Variants in GALNT13 observed in about 807,000 individuals in gnomAD.
GALNT13 encodes the protein UDP-GalNAc:polypeptide N-acetylgalactosaminyltransferase 13.
In GALNT13, 28 loss-of-function variants were observed where a neutral mutation model predicts 64.2. That is an observed-to-expected ratio of 0.44 (90% CI 0.32 to 0.60). The LOEUF (loss-of-function observed/expected upper bound fraction) is 0.60, where lower values mean the gene tolerates loss of function less well. Among genes scored for constraint, GALNT13 ranks in the 20% least tolerant of loss-of-function variants. The probability of loss-of-function intolerance (pLI) is 0.05; values close to 1 mark genes in which losing one functional copy is unlikely to be tolerated. For missense variants in GALNT13, 577 were observed against 669.8 expected (o/e 0.86, Z 1.53); for synonymous variants, 214 against 224.6 (o/e 0.95, Z 0.42).
the GALNT13 span, among the ~76,000 whole-genome samples, chr2:153,240,798 A>ATCCTAGGTG: frequency 2.0e-5 from 3 of 151,900 alleles, no homozygotes; most frequent in Non-Finnish European, 4.4e-5. Flanking sequence ...TGTAATGAGT[A>ATCCTAGGTG]TCCTAGGTGC....
intron 3 of GALNT13, among the ~76,000 whole-genome samples, chr2:153,961,813 T>C (rs2105095481): frequency 1.3e-5 from 2 of 152,250 alleles, no homozygotes; most frequent in East Asian, 3.9e-4. Context: ...AATGGACAGA[T>C]TTTATCTCTA....
At chr2:154,051,088 ACT>A (rs67125594) in intron 3 of GALNT13, among the ~76,000 whole-genome samples, 28,719 of 151,980 alleles carry the variant, frequency 0.19, 3,387 homozygotes, top group Non-Finnish European at 0.26. Flanking sequence ...GGTAGTTGTA[ACT>A]CTCAGTAATA....
At chr2:153,253,018 T>G in the GALNT13 span, among the ~76,000 whole-genome samples, 2 of 151,684 alleles carry the variant, frequency 1.3e-5, no homozygotes, top group South Asian at 4.2e-4. Flanking sequence ...AAGTCATTGG[T>G]AGCTTGATGG....
At chr2:153,747,679 G>C in the GALNT13 span, among the ~76,000 whole-genome samples, 1 of 151,828 alleles carries the variant, frequency 6.6e-6, no homozygotes, top group Admixed American at 6.6e-5. Flanking sequence ...TTTCTGCCTT[G>C]GCCTCCCAAA....
Position 154,191,448 on chromosome 2 carries a change from A to G in GALNT13, c.312-50582A>G, listed in dbSNP as rs575449248. On this transcript the variant is annotated intron_variant, in intron 4 of 12. Transcript: ENST00000392825. ...AATTGTCATTTTCGGATGAGATTTA[A>G]CAGAGAGTGATAGGAGAGACTGAAA... Among the ~76,000 whole-genome samples, 3 of 152,328 alleles carry G rather than the reference A, an allele frequency of 2.0e-5. No homozygotes were observed. The East Asian group carries it at 5.8e-4, about 29-fold the overall frequency.
At chr2:153,244,929 G>A in the GALNT13 span, among the ~76,000 whole-genome samples, 1 of 152,212 alleles carries the variant, frequency 6.6e-6, no homozygotes, top group Admixed American at 6.5e-5. Context: ...TGGGATGATT[G>A]AGCTTGGTGT....
chr2:154,340,694 G>A (rs536230326), intron 9 of GALNT13, among the ~76,000 whole-genome samples: 1 of 152,066 alleles, frequency 6.6e-6, no homozygotes, highest in African/African-American at 2.4e-5. Context: ...AAGTCCATGG[G>A]ACAAAAATAA....
chr2:153,803,570 T>C, the GALNT13 span, among the ~76,000 whole-genome samples: 1 of 151,566 alleles, frequency 6.6e-6, no homozygotes, highest in Non-Finnish European at 1.5e-5. Flanking sequence ...CGGGCGCCTG[T>C]AGTCCCAGCT....
the GALNT13 span, among the ~76,000 whole-genome samples, chr2:153,614,166 C>G: frequency 1.3e-5 from 2 of 151,732 alleles, no homozygotes; most frequent in African/African-American, 2.4e-5. Context: ...AACCCAATGT[C>G]TAGGAATACT....
chr2:154,446,603 T>G, intron 12 of GALNT13: 3 of 1,547,694 alleles, frequency 1.9e-6, no homozygotes, highest in Non-Finnish European at 1.7e-6. Flanking sequence ...CCCAGTCTTG[T>G]CTCTCAGTGA....
At chr2:153,848,087 CA>C in the GALNT13 span, among the ~76,000 whole-genome samples, 3 of 152,116 alleles carry the variant, frequency 2.0e-5, no homozygotes, top group African/African-American at 7.2e-5. Context: ...CAAGTATTCC[CA>C]AGACAATTCT....
At chr2:153,354,857 AG>A in the GALNT13 span, among the ~76,000 whole-genome samples, 1 of 152,198 alleles carries the variant, frequency 6.6e-6, no homozygotes, top group Non-Finnish European at 1.5e-5. Context: ...AGATGCCAAA[AG>A]GTTGTTATCC....
At chr2:154,000,286 A>G (rs1428629168) in intron 3 of GALNT13, among the ~76,000 whole-genome samples, 1 of 151,054 alleles carries the variant, frequency 6.6e-6, no homozygotes, top group African/African-American at 2.5e-5. Context: ...GGTCTCTTAT[A>G]CGTTTTTATT....
chr2:153,975,876 AGTTT>A (rs1167316446), intron 3 of GALNT13, among the ~76,000 whole-genome samples: 25 of 152,164 alleles, frequency 1.6e-4, no homozygotes, highest in African/African-American at 6.0e-4. Context: ...TATGTTAATT[AGTTT>A]AATTGTCATA....
At position 154,359,764 on chromosome 2, in the gene GALNT13, T is replaced by C. The variant is rs116494385; in HGVS notation, c.1157-36227T>C. ...AGTGCATGTTGATACTGAAGATGCA[T>C]TGATTTGTACAAGCCTAGCTTGAAA... On this transcript the variant is annotated intron_variant, in intron 9 of 12. Coordinates refer to ENST00000392825, the MANE Select transcript of GALNT13 (RefSeq NM_052917.4). Among the ~76,000 whole-genome samples the C allele has an allele frequency of 5.0e-3, 765 of 152,242 alleles. 4 individuals carry two copies. The highest frequency in any genetic ancestry group is 0.017 in the African/African-American group (721 of 41,566).
the GALNT13 span, among the ~76,000 whole-genome samples, chr2:153,210,314 A>C: frequency 1.4e-4 from 22 of 152,156 alleles, no homozygotes; most frequent in African/African-American, 5.3e-4. Flanking sequence ...AAGTAGAGGA[A>C]ATTCCTTTTA....
chr2:153,579,654 G>A, the GALNT13 span, among the ~76,000 whole-genome samples: 1 of 152,280 alleles, frequency 6.6e-6, no homozygotes, highest in East Asian at 1.9e-4. Context: ...CCATGGACCT[G>A]TACTGGTCTG....
the GALNT13 span, chr2:153,173,157 C>G: frequency 1.3e-5 from 2 of 152,006 alleles, no homozygotes; most frequent in African/African-American, 4.8e-5. Context: ...ACTACTTAGA[C>G]ATAAACCATA....
In GALNT13 at chr2:154,139,121, A is replaced by C. The variant is rs571753873; in HGVS notation, c.143-1216A>C. Among the ~76,000 whole-genome samples, 3 of 152,028 alleles carry C rather than the reference A, an allele frequency of 2.0e-5. No individual in the cohort carries two copies. In the South Asian group the frequency reaches 6.2e-4, roughly 32 times the overall value. On this transcript the variant is annotated intron_variant, in intron 3 of 12. Transcript: ENST00000392825. The stretch of plus-strand genomic sequence containing the variant: ...GGTCCTTAGAGATGCCTATTCTCTT[A>C]TATGGTTTGACTCATGCCATTACAA...
Sources: allele counts gnomAD v4.1 joint callset (sites outside exome capture counted in the v4.1 genomes callset), GRCh38; gene constraint gnomAD v4.1.1; transcripts MANE v1.5; gene names NCBI Gene and HGNC (gene_info 2026-07-23, HGNC 2026-07-21).